The following ATG5 variants were observed in gnomAD, a reference collection of about 807,000 sequenced individuals.
The protein encoded by ATG5 is autophagy protein 5.
A neutral mutation model predicts 36.5 loss-of-function variants in ATG5; 14 were observed. That is an observed-to-expected ratio of 0.38 (90% CI 0.25 to 0.60). The LOEUF is 0.60. ATG5 is among the 20% of genes least tolerant of loss of function. The probability of loss-of-function intolerance (pLI) is 0.60; values close to 1 mark genes in which losing one functional copy is unlikely to be tolerated. For missense variants in ATG5, 195 were observed against 326.7 expected (o/e 0.60, Z 3.11); for synonymous variants, 95 against 101.5 (o/e 0.94, Z 0.38).
At chr6:106,190,741 G>GAA (rs531183646) in intron 7 of ATG5, among the ~76,000 whole-genome samples, 1 of 150,842 alleles carries the variant, frequency 6.6e-6, no homozygotes, top group African/African-American at 2.4e-5. Context: ...ATTACATATA[G>GAA]AAAAAAAATA....
chr6:106,228,538 G>A (rs1777537471), intron 6 of ATG5, among the ~76,000 whole-genome samples: 1 of 152,034 alleles, frequency 6.6e-6, no homozygotes, highest in East Asian at 1.9e-4. Context: ...TGGAATCCAT[G>A]AGGCCAAGAA....
At chr6:106,305,240 G>T (rs1770396967) in intron 3 of ATG5, among the ~76,000 whole-genome samples, 1 of 152,106 alleles carries the variant, frequency 6.6e-6, no homozygotes, top group Admixed American at 6.5e-5. Flanking sequence ...TTTGTTTTAA[G>T]AATACTCCAT....
intron 1 of ATG5, among the ~76,000 whole-genome samples, chr6:106,319,473 A>G (rs1348703800): frequency 2.0e-5 from 3 of 152,194 alleles, no homozygotes; most frequent in Non-Finnish European, 2.9e-5. Flanking sequence ...ATCATTAACA[A>G]AGTATAATCT....
At chr6:106,310,499 ATAC>A (rs377112285) in intron 2 of ATG5, among the ~76,000 whole-genome samples, 5 of 152,234 alleles carry the variant, frequency 3.3e-5, no homozygotes, top group African/African-American at 1.2e-4. Context: ...CAGACTATAT[ATAC>A]TACTCATTGT....
intron 6 of ATG5, among the ~76,000 whole-genome samples, chr6:106,229,639 G>T (rs534739313): frequency 6.6e-6 from 1 of 152,106 alleles, no homozygotes; most frequent in Non-Finnish European, 1.5e-5. Context: ...GGTCTTCTCC[G>T]CGACCCTATA....
intron 6 of ATG5, 82 bp downstream of exon 6, chr6:106,248,068 C>A: frequency 9.2e-7 from 1 of 1,085,722 alleles, no homozygotes; most frequent in East Asian, 2.4e-5. Flanking sequence ...ACTATGCAGA[C>A]AAAGAGTTCT....
intron 5 of ATG5, among the ~76,000 whole-genome samples, chr6:106,259,302 G>A (rs1053362666): frequency 2.6e-5 from 4 of 152,072 alleles, no homozygotes; most frequent in African/African-American, 7.2e-5. Flanking sequence ...TTAGGGATAC[G>A]TGATATACAT....
chr6:106,296,794 G>C (rs545591469), intron 3 of ATG5, among the ~76,000 whole-genome samples: 1 of 152,294 alleles, frequency 6.6e-6, no homozygotes, highest in East Asian at 1.9e-4. Context: ...CTCCAGCCTA[G>C]GCAACAGAGG....
At chr6:106,321,767 T>C (rs597443) in intron 1 of ATG5, among the ~76,000 whole-genome samples, 95,048 of 152,012 alleles carry the variant, frequency 0.63, 31,814 homozygotes, top group African/African-American at 0.88. Flanking sequence ...TCATGCAATG[T>C]AGTTATCTGT....
At chr6:106,316,363 A>T in intron 1 of ATG5, 97 bp from the exon 2 acceptor site, 1 of 438,102 alleles carries the variant, frequency 2.3e-6, no homozygotes, top group Non-Finnish European at 4.0e-6. Context: ...TGCCATAAAG[A>T]TTATCCACTT....
At chr6:106,297,954 T>A (rs750853000) in intron 3 of ATG5, among the ~76,000 whole-genome samples, 33 of 149,318 alleles carry the variant, frequency 2.2e-4, no homozygotes, top group Admixed American at 2.7e-4. Flanking sequence ...AGGGAGACCC[T>A]GTCAAAATCT....
At chr6:106,319,839 C>T (rs750699600) in intron 1 of ATG5, among the ~76,000 whole-genome samples, 3 of 152,104 alleles carry the variant, frequency 2.0e-5, no homozygotes, top group Admixed American at 6.6e-5. Context: ...TCAAAAAATG[C>T]TTACTGAATT....
At chr6:106,270,595 G>A (rs899150780) in intron 5 of ATG5, among the ~76,000 whole-genome samples, 1 of 152,108 alleles carries the variant, frequency 6.6e-6, no homozygotes, top group Non-Finnish European at 1.5e-5. Context: ...AACACAGTAC[G>A]AAACTAGAAG....
chr6:106,229,179 T>A (rs773392698), intron 6 of ATG5, among the ~76,000 whole-genome samples: 5 of 152,254 alleles, frequency 3.3e-5, no homozygotes, highest in African/African-American at 1.2e-4. Context: ...CTCTAGCAAG[T>A]TGTATCTCCA....
chr6:106,280,357 T>C (rs927102340), intron 4 of ATG5, among the ~76,000 whole-genome samples: 1 of 150,938 alleles, frequency 6.6e-6, no homozygotes, highest in African/African-American at 2.4e-5. Context: ...ATGTTCACAA[T>C]AGTTTTATTT....
In ATG5 at chr6:106,297,717, AACACACACACACACACACACACACAC is replaced by A. The variant is rs56336702; in HGVS notation, c.237-4637_237-4612del. On this transcript the variant is annotated intron_variant, in intron 3 of 7. Transcript: ENST00000369076. The stretch of plus-strand genomic sequence containing the variant: ...TCTAAATTATTTGCAAAATGACTTA[AACACACACACACACACACACACACAC>A]ACACACACACACACACACACACATA... Among the ~76,000 whole-genome samples, 36 of 135,450 alleles carry A rather than the reference AACACACACACACACACACACACACAC, an allele frequency of 2.7e-4. 1 individual carries two copies. Among genetic ancestry groups the A allele is most frequent in the African/African-American group, 9.3e-4 (34 of 36,640 alleles). The allele number at this position is 135,450 out of a possible 152,430, so 88.9% of individuals were successfully genotyped here. A position where few individuals can be genotyped will look rare whatever the true frequency, so the allele number is the denominator to read the frequency against.
intron 7 of ATG5, among the ~76,000 whole-genome samples, chr6:106,197,801 T>G (rs1486939238): frequency 6.6e-6 from 1 of 152,146 alleles, no homozygotes; most frequent in Non-Finnish European, 1.5e-5. Flanking sequence ...TTTTTCTTTA[T>G]AAATTACCCA....
At chr6:106,322,324 C>T (rs572657254) in intron 1 of ATG5, among the ~76,000 whole-genome samples, 4 of 152,244 alleles carry the variant, frequency 2.6e-5, no homozygotes, top group East Asian at 3.9e-4. Context: ...TAACCTACTA[C>T]CTGAAGTAAT....
chr6:106,292,260 G>C (rs1035885980), intron 4 of ATG5, among the ~76,000 whole-genome samples: 1 of 152,190 alleles, frequency 6.6e-6, no homozygotes, highest in Non-Finnish European at 1.5e-5. Flanking sequence ...TGCTATTTGA[G>C]AATGAATTAC....
Sources: gnomAD v4.1 joint callset for allele counts (sites outside exome capture counted in the v4.1 genomes callset) on GRCh38, gnomAD v4.1.1 for gene constraint, MANE v1.5 for transcripts, NCBI Gene and HGNC (gene_info 2026-07-23, HGNC 2026-07-21) for gene names.